FNBP1: variants seen among roughly 807,000 people sequenced by gnomAD.
FNBP1 encodes the protein formin binding protein 1, also known as formin-binding protein 1.
A neutral mutation model predicts 90.6 loss-of-function variants in FNBP1; 26 were observed. The observed-to-expected ratio is 0.29, with a 90% CI of 0.21 to 0.40. The LOEUF is 0.40. Ranked by LOEUF, FNBP1 falls within the 10% of genes least tolerant of loss-of-function variation. The pLI, the probability that FNBP1 is intolerant of heterozygous loss-of-function variation, is 1.00. For synonymous variants in FNBP1, 260 were observed against 265.2 expected (o/e 0.98, Z 0.19); for missense variants, 635 against 768.0 (o/e 0.83, Z 2.05).
At chr9:129,968,957 A>C (rs1401668719) in intron 4 of FNBP1, among the ~76,000 whole-genome samples, 1 of 152,174 alleles carries the variant, frequency 6.6e-6, no homozygotes, top group African/African-American at 2.4e-5. Flanking sequence ...TGGAGCTATA[A>C]ATCTTCACAA....
At chr9:129,907,649 G>C (rs1008035520) in intron 12 of FNBP1, among the ~76,000 whole-genome samples, 5 of 150,994 alleles carry the variant, frequency 3.3e-5, no homozygotes, top group South Asian at 4.2e-4. Flanking sequence ...TTTTCCTACA[G>C]CTGTTTTAAT....
At position 129,890,439 on chromosome 9, in the gene FNBP1, G is replaced by T; in HGVS notation, c.*100C>A. 1.1e-6 allele frequency: 1 copy of T among 937,386 alleles called. No homozygotes were observed. The highest frequency in any genetic ancestry group is 1.4e-5 in the South Asian group (1 of 71,514). 58.1% of individuals were successfully genotyped at this position (937,386 alleles called of 1,614,324 possible). ...CGCCCCGCAGGGATGGGGCTGCGGA[G>T]GGGTGGGCTGTCCACAGGGCAGGGC... On this transcript the variant is annotated 3_prime_UTR_variant, in exon 17 of 17. Coordinates refer to ENST00000446176, the MANE Select transcript of FNBP1 (RefSeq NM_015033.3). This position sits in a 1 kb window ranked among gnomAD's most constrained non-coding sequence, Gnocchi z 5.8.
chr9:130,041,318 G>A lies in FNBP1; in HGVS notation c.24+1634C>T, dbSNP rs1242685083. The stretch of plus-strand genomic sequence containing the variant: ...CCAACATCACTGAACTGTCCACCAA[G>A]GTATTGTGTTCGGTCCCTATTTCAC... On this transcript the variant is annotated intron_variant, in intron 1 of 16. Transcript: ENST00000446176. The surrounding 1 kb of genome is among the most constrained non-coding windows in gnomAD (Gnocchi z 4.3). Among the ~76,000 whole-genome samples the A allele has an allele frequency of 6.6e-6, 1 of 151,958 alleles. No individual in the cohort carries two copies. Among genetic ancestry groups the A allele is most frequent in the Non-Finnish European group, 1.5e-5 (1 of 68,002 alleles).
intron 1 of FNBP1, among the ~76,000 whole-genome samples, chr9:130,026,911 A>G (rs1161206769): frequency 6.6e-6 from 1 of 151,384 alleles, no homozygotes. Context: ...GGTTAGAGTG[A>G]GCCAAGACTG....
At chr9:130,006,220 A>C (rs2055673369) in intron 1 of FNBP1, among the ~76,000 whole-genome samples, 1 of 152,186 alleles carries the variant, frequency 6.6e-6, no homozygotes, top group African/African-American at 2.4e-5. Flanking sequence ...AGGCGGGTGG[A>C]TCACTTGAGG....
chr9:129,906,397 T>A (rs1033694957), intron 12 of FNBP1, among the ~76,000 whole-genome samples: 1 of 152,132 alleles, frequency 6.6e-6, no homozygotes, highest in African/African-American at 2.4e-5. Flanking sequence ...AGCTCCCATA[T>A]CCCCATGTGT....
At chr9:129,914,717 TAA>T (rs1318453828) in intron 11 of FNBP1, among the ~76,000 whole-genome samples, 1 of 144,008 alleles carries the variant, frequency 6.9e-6, no homozygotes, top group Non-Finnish European at 1.5e-5. Context: ...TACCAAATAC[TAA>T]GTCATGTTGA....
chr9:129,926,707 T>G (rs2041967177), intron 8 of FNBP1, among the ~76,000 whole-genome samples: 2 of 149,920 alleles, frequency 1.3e-5, no homozygotes, highest in African/African-American at 4.9e-5. Context: ...GCCAATATGG[T>G]GAAACCCCGT....
At chr9:130,015,332 T>C (rs565669299) in intron 1 of FNBP1, among the ~76,000 whole-genome samples, 13 of 152,336 alleles carry the variant, frequency 8.5e-5, no homozygotes, top group Non-Finnish European at 1.6e-4. Flanking sequence ...TCAAAATTTA[T>C]TTACATTCCC....
At chr9:130,026,230 C>T (rs2058326642) in intron 1 of FNBP1, among the ~76,000 whole-genome samples, 1 of 152,074 alleles carries the variant, frequency 6.6e-6, no homozygotes, top group African/African-American at 2.4e-5. Flanking sequence ...CACGGTGGCT[C>T]ATACCTGTAA....
intron 1 of FNBP1, among the ~76,000 whole-genome samples, chr9:130,007,589 C>T (rs2055944732): frequency 6.6e-6 from 1 of 152,150 alleles, no homozygotes; most frequent in Admixed American, 6.6e-5. Flanking sequence ...AACTTCTAGC[C>T]TATTTTGACG....
intron 1 of FNBP1, among the ~76,000 whole-genome samples, chr9:130,024,708 A>G (rs1466430096): frequency 1.3e-5 from 2 of 152,186 alleles, no homozygotes; most frequent in Non-Finnish European, 2.9e-5. Context: ...AAGTGAAGGA[A>G]GAAGCCATCG....
chr9:129,935,031 G>T (rs139438453), intron 6 of FNBP1, among the ~76,000 whole-genome samples: 1 of 151,896 alleles, frequency 6.6e-6, no homozygotes, highest in Admixed American at 6.6e-5. Context: ...ATCCTAATGG[G>T]TTTAAAGACA....
chr9:130,008,368 C>A (rs1156716131), intron 1 of FNBP1, among the ~76,000 whole-genome samples: 1 of 151,882 alleles, frequency 6.6e-6, no homozygotes, highest in Non-Finnish European at 1.5e-5. Flanking sequence ...ACCGAAAAAA[C>A]CACCTAATTT....
intron 1 of FNBP1, among the ~76,000 whole-genome samples, chr9:130,006,767 G>A (rs1171309135): frequency 2.0e-5 from 3 of 152,110 alleles, no homozygotes; most frequent in Non-Finnish European, 2.9e-5. Flanking sequence ...ACACTAAGGA[G>A]TCTGTTTCTG....
chr9:129,922,409 T>G (rs540506249), intron 10 of FNBP1, among the ~76,000 whole-genome samples: 1 of 152,322 alleles, frequency 6.6e-6, no homozygotes, highest in East Asian at 1.9e-4. Flanking sequence ...AATGTGGATG[T>G]CACAGAATCT....
Position 129,957,369 on chromosome 9 carries a change from A to G in FNBP1, c.504T>C (p.Asp168=), listed in dbSNP as rs62637589. ...MDADINVTKA[D]VEKARQQAQI... ...TGAGCTTTCACCTCACCTTTTCAAC[A>G]TCCGCTTTTGTGACATTGATGTCAG... is the stretch of plus-strand genomic sequence containing the variant. The change falls in exon 6 of 17, where the codon GAT becomes GAC. Residue 168 remains aspartate (D), a synonymous_variant. Transcript: ENST00000446176. This position sits in a 1 kb window ranked among gnomAD's most constrained non-coding sequence, Gnocchi z 4.3. 4.0e-4 allele frequency: 647 copies of G among 1,611,552 alleles called. 2 individuals are homozygous for G. In the African/African-American group the frequency reaches 7.3e-3, roughly 18 times the overall value.
chr9:129,943,820 G>T (rs1280099772), intron 6 of FNBP1, among the ~76,000 whole-genome samples: 1 of 151,638 alleles, frequency 6.6e-6, no homozygotes, highest in East Asian at 2.0e-4. Flanking sequence ...GTGAAACCCT[G>T]TCTCTACTAA....
Position 129,888,530 on chromosome 9 carries a change from T to C in FNBP1, c.*2009A>G, listed in dbSNP as rs999022194. The C allele has an allele frequency of 3.4e-5, 8 of 232,854 alleles. No homozygotes were observed. The highest frequency in any genetic ancestry group is 1.7e-4 in the Admixed American group (3 of 17,780). 14.4% of individuals were successfully genotyped at this position (232,854 alleles called of 1,614,324 possible). Reference sequence around the variant, plus strand: ...CAAGTCAGTCCTCCTGCGTGACTGATGGGTGCACCACGCTTAGGTCACCCG... The same window carrying C: ...CAAGTCAGTCCTCCTGCGTGACTGACGGGTGCACCACGCTTAGGTCACCCG... On this transcript the variant is annotated 3_prime_UTR_variant, in exon 17 of 17. Transcript: ENST00000446176.
Sources: gnomAD v4.1 joint callset for allele counts (sites outside exome capture counted in the v4.1 genomes callset) on GRCh38, gnomAD v4.1.1 for gene constraint, Gnocchi (gnomAD v3.1) non-coding constraint, MANE v1.5 for transcripts, NCBI Gene and HGNC (gene_info 2026-07-23, HGNC 2026-07-21) for gene names.